Variants in TCERG1L observed in about 807,000 individuals in gnomAD.
TCERG1L encodes the protein transcription elongation regulator 1 like.
A neutral mutation model predicts 56.3 loss-of-function variants in TCERG1L; 37 were observed. The observed-to-expected ratio is 0.66, with a 90% CI of 0.51 to 0.87. The LOEUF (loss-of-function observed/expected upper bound fraction) is 0.87, where lower values mean the gene tolerates loss of function less well. Ranked by LOEUF, TCERG1L falls within the 40% of genes least tolerant of loss-of-function variation. TCERG1L has a pLI of 0.00. For synonymous variants in TCERG1L, 324 were observed against 326.3 expected (o/e 0.99, Z 0.08); for missense variants, 799 against 774.2 (o/e 1.03, Z -0.38).
chr10:131,273,410 G>A (rs1424072940), intron 3 of TCERG1L, among the ~76,000 whole-genome samples: 1 of 152,192 alleles, frequency 6.6e-6, no homozygotes, highest in East Asian at 1.9e-4. Context: ...AGAGTCCCTT[G>A]GCCAAAGCCC....
rs976723475 is a variant in TCERG1L, at chr10:131,092,949, C to T, written c.*213G>A. The T allele has an allele frequency of 1.6e-4, 82 of 512,592 alleles. No homozygotes were observed. Among genetic ancestry groups the T allele is most frequent in the Middle Eastern group, 5.1e-4 (1 of 1,960 alleles). 31.8% of individuals were successfully genotyped at this position (512,592 alleles called of 1,614,324 possible). ...AAACAATTAAGGGATCGACGTATCACGGTGATTAGAAATGCATCAAACTCT... is the reference window on the plus strand; with the variant it reads ...AAACAATTAAGGGATCGACGTATCATGGTGATTAGAAATGCATCAAACTCT... On this transcript the variant is annotated 3_prime_UTR_variant, in exon 12 of 12. Coordinates refer to ENST00000368642, the MANE Select transcript of TCERG1L (RefSeq NM_174937.4).
At chr10:131,237,405 C>G (rs959981157) in intron 4 of TCERG1L, among the ~76,000 whole-genome samples, 1 of 152,130 alleles carries the variant, frequency 6.6e-6, no homozygotes, top group Non-Finnish European at 1.5e-5. Context: ...GCTGCACCAC[C>G]TCAGAGATTT....
chr10:131,221,499 C>T (rs966702097), intron 4 of TCERG1L, among the ~76,000 whole-genome samples: 1 of 152,184 alleles, frequency 6.6e-6, no homozygotes, highest in Non-Finnish European at 1.5e-5. Flanking sequence ...AGGAAAGCGG[C>T]GGTCTTCTAA....
intron 4 of TCERG1L, among the ~76,000 whole-genome samples, chr10:131,229,571 A>G (rs1845827590): frequency 6.6e-6 from 1 of 152,182 alleles, no homozygotes; most frequent in Admixed American, 6.5e-5. Flanking sequence ...TATAAATACC[A>G]ATTACCAATT....
intron 4 of TCERG1L, among the ~76,000 whole-genome samples, chr10:131,246,458 A>G (rs992169750): frequency 6.6e-6 from 1 of 152,112 alleles, no homozygotes; most frequent in Admixed American, 6.5e-5. Context: ...TGGGCAGGGC[A>G]GGCCCCACAT....
At chr10:131,132,952 G>C (rs577285947) in intron 8 of TCERG1L, among the ~76,000 whole-genome samples, 29 of 152,340 alleles carry the variant, frequency 1.9e-4, no homozygotes, top group African/African-American at 6.5e-4. Flanking sequence ...CAGGCGGCAG[G>C]AGCACTGGGG....
chr10:131,276,997 G>T (rs1347149342), intron 3 of TCERG1L, among the ~76,000 whole-genome samples: 3 of 152,198 alleles, frequency 2.0e-5, no homozygotes, highest in African/African-American at 7.2e-5. Flanking sequence ...AGCTGCTGTT[G>T]AGTTGTCATG....
rs4751339 is a variant in TCERG1L, at chr10:131,177,470, G to T, written c.857-10585C>A. On this transcript the variant is annotated intron_variant, in intron 4 of 11. Transcript: ENST00000368642. ...GTCAGTATTGTGACTTTTTCTAGAG[G>T]TGACATCAAAACAAGTTGCTTCTCT... Among the ~76,000 whole-genome samples, 1,235 of 152,286 alleles carry T rather than the reference G, an allele frequency of 8.1e-3. 12 individuals are homozygous for T. The highest frequency in any genetic ancestry group is 0.029 in the African/African-American group (1,188 of 41,572).
intron 4 of TCERG1L, among the ~76,000 whole-genome samples, chr10:131,236,659 T>A (rs1163483122): frequency 1.3e-5 from 2 of 152,130 alleles, no homozygotes; most frequent in East Asian, 3.9e-4. Flanking sequence ...TATTATCAGC[T>A]CTCTCCCTCC....
intron 4 of TCERG1L, 70 bp from the exon 5 acceptor site, chr10:131,166,955 A>G: frequency 7.0e-7 from 1 of 1,426,920 alleles, no homozygotes; most frequent in Non-Finnish European, 9.6e-7. Context: ...AAGCAATCAA[A>G]GACAAAAAGT....
chr10:131,120,308 A>G (rs1174172369), intron 8 of TCERG1L, among the ~76,000 whole-genome samples: 1 of 152,132 alleles, frequency 6.6e-6, no homozygotes, highest in East Asian at 1.9e-4. Context: ...AGTGGAGCTG[A>G]GTTCTGGGCA....
In TCERG1L at chr10:131,112,340, GC is replaced by G. The variant is rs975201565; in HGVS notation, c.1395+4458del. ...CTGCAGCCCACCCGGCCCCTCCTGG[GC>G]CCAGATGCCCCAACCTACCCCCAGC... On this transcript the variant is annotated intron_variant, in intron 9 of 11. Transcript: ENST00000368642. Among the ~76,000 whole-genome samples the G allele has an allele frequency of 2.6e-4, 37 of 142,652 alleles. 2 individuals are homozygous for G. Among genetic ancestry groups the G allele is most frequent in the African/African-American group, 8.2e-4 (33 of 40,468 alleles). 93.6% of individuals were successfully genotyped at this position (142,652 alleles called of 152,430 possible). A position where few individuals can be genotyped will look rare whatever the true frequency, so the allele number is the denominator to read the frequency against.
intron 6 of TCERG1L, chr10:131,162,578 C>A (rs1845989867): frequency 1.3e-5 from 2 of 152,290 alleles, no homozygotes; most frequent in South Asian, 4.1e-4. Context: ...GCACTCTCAT[C>A]TTCAGGCTTG....
Position 131,209,197 on chromosome 10 carries a change from A to C in TCERG1L, c.857-42312T>G, listed in dbSNP as rs539921612. On this transcript the variant is annotated intron_variant, in intron 4 of 11. Transcript: ENST00000368642. The stretch of plus-strand genomic sequence containing the variant: ...AATTCTGTGTTCAGGCTTAGGTCCT[A>C]GCTCCAGGATACCTCAGTAAGTATC... Among the ~76,000 whole-genome samples the C allele has an allele frequency of 5.3e-5, 8 of 152,344 alleles. No homozygotes were observed. The South Asian group carries it at 1.7e-3, about 32-fold the overall frequency.
Position 131,116,393 on chromosome 10 carries a change from G to A in TCERG1L, c.1395+406C>T, listed in dbSNP as rs1845459589. ...CAGGAACCCCATCTGTGCAGTGGGT[G>A]CTCCCTCAGGCCACCCAGGACCCGG... On this transcript the variant is annotated intron_variant, in intron 9 of 11. Transcript: ENST00000368642. Among the ~76,000 whole-genome samples, 4 of 152,174 alleles carry A rather than the reference G, an allele frequency of 2.6e-5. No homozygotes were observed. In the South Asian group the frequency reaches 8.3e-4, roughly 32 times the overall value.
At chr10:131,126,395 C>G (rs1239802794) in intron 8 of TCERG1L, among the ~76,000 whole-genome samples, 1 of 152,224 alleles carries the variant, frequency 6.6e-6, no homozygotes, top group African/African-American at 2.4e-5. Flanking sequence ...TGAAGTCTCT[C>G]CCAGCTGAGG....
intron 6 of TCERG1L, among the ~76,000 whole-genome samples, chr10:131,156,765 C>G (rs919948459): frequency 1.3e-5 from 2 of 152,152 alleles, no homozygotes; most frequent in African/African-American, 2.4e-5. Context: ...TCACATACCC[C>G]CTGCTTGCTC....
intron 5 of TCERG1L, among the ~76,000 whole-genome samples, chr10:131,165,979 T>A (rs1846026843): frequency 6.6e-6 from 1 of 152,236 alleles, no homozygotes; most frequent in Admixed American, 6.5e-5. Flanking sequence ...CTGGCCTGGA[T>A]GTTAATCTGG....
intron 4 of TCERG1L, among the ~76,000 whole-genome samples, chr10:131,256,681 C>A (rs1037256789): frequency 1.2e-4 from 18 of 151,882 alleles, no homozygotes; most frequent in African/African-American, 4.1e-4. Flanking sequence ...GTCAGGAGTT[C>A]GAGACCAGCC....
Sources: gnomAD v4.1 joint callset for allele counts (sites outside exome capture counted in the v4.1 genomes callset) on GRCh38, gnomAD v4.1.1 for gene constraint, MANE v1.5 for transcripts, NCBI Gene and HGNC (gene_info 2026-07-23, HGNC 2026-07-21) for gene names.